Variants in LOC128092252 observed in about 807,000 individuals in gnomAD.
chr15:50,664,144 A>C, the LOC128092252 span, among the ~76,000 whole-genome samples: 2 of 151,926 alleles, frequency 1.3e-5, no homozygotes, highest in Non-Finnish European at 2.9e-5. Flanking sequence ...CTAAAAATAC[A>C]AAAATTAGCT....
At chr15:50,680,943 T>C in the LOC128092252 span, among the ~76,000 whole-genome samples, 2 of 152,114 alleles carry the variant, frequency 1.3e-5, no homozygotes. Flanking sequence ...CATCACAGAA[T>C]TTTCCTGCGG....
the LOC128092252 span, among the ~76,000 whole-genome samples, chr15:50,666,077 G>C: frequency 1.3e-5 from 2 of 151,860 alleles, no homozygotes; most frequent in African/African-American, 4.8e-5. Flanking sequence ...TAAAGTCAAA[G>C]GAAAGAAATA....
chr15:50,685,311 A>G, the LOC128092252 span, among the ~76,000 whole-genome samples: 1 of 152,192 alleles, frequency 6.6e-6, no homozygotes, highest in African/African-American at 2.4e-5. Flanking sequence ...TAAAAATGCA[A>G]AAATTAGCCG....
the LOC128092252 span, among the ~76,000 whole-genome samples, chr15:50,684,526 A>AG: frequency 6.6e-6 from 1 of 152,058 alleles, no homozygotes; most frequent in Non-Finnish European, 1.5e-5. Context: ...CTGGAGTCCC[A>AG]GCTACTCGGG....
the LOC128092252 span, among the ~76,000 whole-genome samples, chr15:50,675,619 G>A: frequency 6.6e-6 from 1 of 152,084 alleles, no homozygotes; most frequent in African/African-American, 2.4e-5. Context: ...TTTCTTCTCT[G>A]CCATCAGTTA....
At chr15:50,655,068 A>G in the LOC128092252 span, among the ~76,000 whole-genome samples, 21 of 95,070 alleles carry the variant, frequency 2.2e-4, no homozygotes, top group African/African-American at 6.9e-4. Flanking sequence ...GAATGTAGAA[A>G]TAAGAGTGAA....
the LOC128092252 span, among the ~76,000 whole-genome samples, chr15:50,685,564 T>C: frequency 1.3e-5 from 2 of 152,242 alleles, no homozygotes; most frequent in African/African-American, 4.8e-5. Flanking sequence ...TTTAGTTTTG[T>C]ATGGCACTTG....
the LOC128092252 span, among the ~76,000 whole-genome samples, chr15:50,679,480 A>ATATATATTATATATATGTG: frequency 3.7e-4 from 52 of 140,250 alleles, 3 homozygotes; most frequent in South Asian, 1.5e-3. Context: ...TCATTTATAT[A>ATATATATTATATATATGTG]TATATATATT....
At chr15:50,662,595 G>T in the LOC128092252 span, among the ~76,000 whole-genome samples, 1 of 152,032 alleles carries the variant, frequency 6.6e-6, no homozygotes, top group African/African-American at 2.4e-5. Flanking sequence ...CATAGTGTTG[G>T]ATACCCAGTA....
chr15:50,679,588 T>C, the LOC128092252 span, among the ~76,000 whole-genome samples: 1 of 141,090 alleles, frequency 7.1e-6, no homozygotes, highest in African/African-American at 2.7e-5. Flanking sequence ...CAGGCTGGGG[T>C]GCAGTGGCGC....
the LOC128092252 span, among the ~76,000 whole-genome samples, chr15:50,661,432 T>C: frequency 6.6e-6 from 1 of 152,198 alleles, no homozygotes; most frequent in East Asian, 1.9e-4. Flanking sequence ...TCTTAATGTA[T>C]TGAAACTCTA....
At chr15:50,679,283 CATG>C in the LOC128092252 span, among the ~76,000 whole-genome samples, 2 of 149,656 alleles carry the variant, frequency 1.3e-5, no homozygotes, top group African/African-American at 2.5e-5. Context: ...TACAGTAAGC[CATG>C]ATGATGTCAC....
chr15:50,678,637 T>C, the LOC128092252 span, among the ~76,000 whole-genome samples: 1 of 151,844 alleles, frequency 6.6e-6, no homozygotes, highest in Admixed American at 6.6e-5. Flanking sequence ...AATAATTAGA[T>C]ATTACTGACA....
At chr15:50,658,571 CAAA>C in the LOC128092252 span, among the ~76,000 whole-genome samples, 3 of 101,784 alleles carry the variant, frequency 2.9e-5, no homozygotes, top group Non-Finnish European at 4.3e-5. Flanking sequence ...GAAACTGTCT[CAAA>C]AAAAAAAAAA....
At chr15:50,678,872 AC>A in the LOC128092252 span, among the ~76,000 whole-genome samples, 3 of 108,842 alleles carry the variant, frequency 2.8e-5, no homozygotes, top group African/African-American at 9.5e-5. Context: ...CTTTGCAAAA[AC>A]AAAAAAAAAA....
the LOC128092252 span, among the ~76,000 whole-genome samples, chr15:50,651,228 T>C: frequency 4.1e-5 from 6 of 147,666 alleles, no homozygotes; most frequent in African/African-American, 1.5e-4. Context: ...TACTGAGGCA[T>C]GCAAAGAAGC....
chr15:50,670,034 C>G, the LOC128092252 span, among the ~76,000 whole-genome samples: 2 of 152,126 alleles, frequency 1.3e-5, no homozygotes, highest in African/African-American at 4.8e-5. Context: ...ATTAATCTTT[C>G]AGATATCATG....
At chr15:50,655,437 G>GAAAAAAA in the LOC128092252 span, among the ~76,000 whole-genome samples, 43 of 89,112 alleles carry the variant, frequency 4.8e-4, no homozygotes, top group Non-Finnish European at 5.6e-4. Flanking sequence ...CATCTCAAAG[G>GAAAAAAA]AAAAAAAAAA....
the LOC128092252 span, chr15:50,686,454 A>G: frequency 1.9e-6 from 3 of 1,612,434 alleles, no homozygotes; most frequent in Middle Eastern, 3.3e-4. Flanking sequence ...CTCCCCACAC[A>G]CTTGCCTGCC....
Sources: gnomAD v4.1 joint callset for allele counts (sites outside exome capture counted in the v4.1 genomes callset) on GRCh38, gnomAD v4.1.1 for gene constraint, MANE v1.5 for transcripts.